COL4A2: variants seen among roughly 807,000 people sequenced by gnomAD.
COL4A2 encodes the protein collagen type IV alpha 2 chain.
COL4A2 carries 99 observed loss-of-function variants against 200.2 expected under a neutral mutation model. The observed-to-expected ratio is 0.49, with a 90% CI of 0.42 to 0.58. The LOEUF (loss-of-function observed/expected upper bound fraction) is 0.58. Among genes scored for constraint, COL4A2 ranks in the 20% least tolerant of loss-of-function variants. COL4A2 has a pLI of 0.00. For synonymous variants in COL4A2, 897 were observed against 900.6 expected (o/e 1.00, Z 0.07); for missense variants, 1,950 against 2,314.1 (o/e 0.84, Z 3.23).
At chr13:110,336,548 A>G (rs1334932467) in intron 3 of COL4A2, among the ~76,000 whole-genome samples, 1 of 152,128 alleles carries the variant, frequency 6.6e-6, no homozygotes, top group African/African-American at 2.4e-5. Context: ...GCCTCATTTC[A>G]TCTGTAAAGG....
At chr13:110,461,993 G>T in intron 22 of COL4A2, 121 bp from the exon 23 acceptor site, 1 of 1,441,406 alleles carries the variant, frequency 6.9e-7, no homozygotes, top group Admixed American at 2.1e-5. Context: ...CTTGGGTGGC[G>T]CTCGGTTTGG....
chr13:110,502,911 T>C (rs978959773), intron 41 of COL4A2: 1 of 520,446 alleles, frequency 1.9e-6, no homozygotes. Flanking sequence ...ATATATTGAA[T>C]GCCACTGAGC....
chr13:110,445,926 C>T (rs1192103425), intron 17 of COL4A2, 44 bp downstream of exon 17: 8 of 1,610,286 alleles, frequency 5.0e-6, no homozygotes, highest in East Asian at 4.5e-5. Context: ...GTGTCTCGCC[C>T]ACCCTGGCTG....
At chr13:110,444,568 GC>G (rs752102170) in intron 16 of COL4A2, among the ~76,000 whole-genome samples, 3 of 152,224 alleles carry the variant, frequency 2.0e-5, no homozygotes, top group Non-Finnish European at 4.4e-5. Context: ...ACAAAGTGAA[GC>G]CCGTCTCAAT....
intron 3 of COL4A2, among the ~76,000 whole-genome samples, chr13:110,322,417 G>A (rs1885299018): frequency 6.6e-6 from 1 of 152,198 alleles, no homozygotes; most frequent in South Asian, 2.1e-4. Context: ...CGAGGTCTGG[G>A]TTGCCCACAC....
At chr13:110,381,187 G>C (rs1013804438) in intron 4 of COL4A2, among the ~76,000 whole-genome samples, 1 of 146,212 alleles carries the variant, frequency 6.8e-6, no homozygotes, top group Admixed American at 6.8e-5. Context: ...TCACATCCTC[G>C]GTCTCTATCT....
At chr13:110,410,999 T>C (rs143091312) in intron 4 of COL4A2, among the ~76,000 whole-genome samples, 5 of 152,324 alleles carry the variant, frequency 3.3e-5, no homozygotes, top group African/African-American at 1.2e-4. Flanking sequence ...TTTTCTCCTC[T>C]CAGCTGCCTT....
intron 3 of COL4A2, among the ~76,000 whole-genome samples, chr13:110,333,444 T>C (rs1488785713): frequency 1.3e-5 from 2 of 152,240 alleles, no homozygotes; most frequent in Non-Finnish European, 2.9e-5. Context: ...AGCTTTGCTA[T>C]CTGTGAGGTG....
chr13:110,370,919 A>G (rs1406208451), intron 4 of COL4A2, among the ~76,000 whole-genome samples: 1 of 152,264 alleles, frequency 6.6e-6, no homozygotes, highest in Non-Finnish European at 1.5e-5. Context: ...AGCCATCTGC[A>G]TACCCTCAAG....
intron 30 of COL4A2, among the ~76,000 whole-genome samples, chr13:110,479,191 G>A (rs981742453): frequency 2.0e-5 from 3 of 152,202 alleles, no homozygotes; most frequent in Non-Finnish European, 2.9e-5. Context: ...ACACAGCGTC[G>A]TGTGGTGCTT....
intron 4 of COL4A2, among the ~76,000 whole-genome samples, chr13:110,393,620 T>C (rs982839756): frequency 2.0e-5 from 3 of 150,410 alleles, no homozygotes; most frequent in Admixed American, 2.0e-4. Context: ...GGCTCACACC[T>C]GTAATCCCAC....
At position 110,382,740 on chromosome 13, in the gene COL4A2, G is replaced by A. The variant is rs568755493; in HGVS notation, c.180+25188G>A. Among the ~76,000 whole-genome samples, 10 of 152,284 alleles carry A rather than the reference G, an allele frequency of 6.6e-5. No homozygotes were observed. The South Asian group carries it at 1.7e-3, about 25-fold the overall frequency. The stretch of plus-strand genomic sequence containing the variant: ...CTCCTGTATTCAAACTTTAAGGAAC[G>A]CTAGCTATCTATTTTAATGAGTGAA... On this transcript the variant is annotated intron_variant, in intron 4 of 47. Coordinates refer to ENST00000360467, the MANE Select transcript of COL4A2 (RefSeq NM_001846.4).
intron 18 of COL4A2, among the ~76,000 whole-genome samples, chr13:110,449,294 A>G (rs1031291302): frequency 4.0e-5 from 6 of 151,380 alleles, no homozygotes; most frequent in African/African-American, 1.5e-4. Flanking sequence ...TTAAAAGCCA[A>G]ATTTTGTTAT....
intron 40 of COL4A2, among the ~76,000 whole-genome samples, chr13:110,497,544 G>A (rs1361090624): frequency 6.9e-6 from 1 of 145,786 alleles, no homozygotes; most frequent in Non-Finnish European, 1.5e-5. Context: ...GAGGATTTAG[G>A]TCAGTCCACC....
chr13:110,390,080 C>A (rs748171916), intron 4 of COL4A2, among the ~76,000 whole-genome samples: 19 of 152,172 alleles, frequency 1.2e-4, no homozygotes, highest in Non-Finnish European at 1.9e-4. Context: ...GGCCTCAATT[C>A]ATTTATTCAA....
At chr13:110,396,332 A>T (rs1879180117) in intron 4 of COL4A2, among the ~76,000 whole-genome samples, 1 of 152,210 alleles carries the variant, frequency 6.6e-6, no homozygotes, top group African/African-American at 2.4e-5. Context: ...GCTTGTAAAA[A>T]CATGTGGAAG....
intron 16 of COL4A2, among the ~76,000 whole-genome samples, chr13:110,441,925 C>CAA (rs111531805): frequency 3.1e-5 from 4 of 129,432 alleles, no homozygotes; most frequent in Admixed American, 1.6e-4. Context: ...ACTAAAAATA[C>CAA]AAAAAAAAAA....
chr13:110,490,434 G>A (rs1231153429), intron 36 of COL4A2, among the ~76,000 whole-genome samples: 7 of 152,250 alleles, frequency 4.6e-5, no homozygotes, highest in Non-Finnish European at 8.8e-5. Context: ...CCTGGTGGGA[G>A]GGAAGGAGTC....
intron 21 of COL4A2, chr13:110,458,395 C>G (rs1881865216): frequency 3.2e-6 from 1 of 314,446 alleles, no homozygotes; most frequent in South Asian, 2.5e-5. Context: ...TGACGGCTCC[C>G]TGGAGCCGGC....
Sources: gnomAD v4.1 joint callset for allele counts (sites outside exome capture counted in the v4.1 genomes callset) on GRCh38, gnomAD v4.1.1 for gene constraint, MANE v1.5 for transcripts, NCBI Gene and HGNC (gene_info 2026-07-23, HGNC 2026-07-21) for gene names.